FLNC: variants seen among roughly 807,000 people sequenced by gnomAD.
FLNC encodes filamin C.
A neutral mutation model predicts 254.3 loss-of-function variants in FLNC; 91 were observed. The ratio of observed to expected loss-of-function variants is 0.36; its 90% CI spans 0.30 to 0.43. The LOEUF (loss-of-function observed/expected upper bound fraction) is 0.43. Among genes scored for constraint, FLNC ranks in the 20% least tolerant of loss-of-function variants. The probability of loss-of-function intolerance (pLI) is 1.00; values close to 1 mark genes in which losing one functional copy is unlikely to be tolerated. For missense variants in FLNC, 2,853 were observed against 3,802.6 expected (o/e 0.75, Z 6.57); for synonymous variants, 1,430 against 1,577.2 (o/e 0.91, Z 2.21).
chr7:128,842,639 C>T lies in FLNC; in HGVS notation c.2330C>T (p.Thr777Ile). ...VKVYGPGVEK[T>I]GLKANEPTYF... ...GTGTACGGCCCCGGAGTGGAGAAGA[C>T]AGGCCTCAAGGCCAATGAGCCCACC... Residue 777 changes from threonine (T) to isoleucine (I), a missense_variant, in exon 15 of 48, where the codon ACA becomes ATA. This residue lies in a region of FLNC where 1,573 missense variants were observed against 1,883.5 expected (regional missense o/e 0.84). Transcript: ENST00000325888. The surrounding 1 kb of genome is among the most constrained non-coding windows in gnomAD (Gnocchi z 5.4). The T allele has an allele frequency of 6.4e-7, 1 of 1,551,574 alleles. No individual in the cohort carries two copies. Among genetic ancestry groups the T allele is most frequent in the Non-Finnish European group, 8.7e-7 (1 of 1,147,478 alleles).
intron 43 of FLNC, among the ~76,000 whole-genome samples, chr7:128,855,821 C>T (rs916907537): frequency 1.3e-5 from 2 of 152,304 alleles, no homozygotes; most frequent in South Asian, 2.1e-4. Context: ...CATTCTGTCA[C>T]AGCGGACATG....
Position 128,844,220 on chromosome 7 carries a change from G to A in FLNC, c.3146G>A (p.Gly1049Asp). 1 of 1,611,906 alleles carries A rather than the reference G, an allele frequency of 6.2e-7. No homozygotes were observed. Among genetic ancestry groups the A allele is most frequent in the Non-Finnish European group, 8.5e-7 (1 of 1,178,684 alleles). Residue 1049 changes from glycine to aspartate, a missense_variant, in exon 20 of 48, where the codon GGC becomes GAC. This residue lies in a region of FLNC where 1,573 missense variants were observed against 1,883.5 expected (regional missense o/e 0.84). Coordinates refer to ENST00000325888, the MANE Select transcript of FLNC (RefSeq NM_001458.5). ...DITYDGHPVPGSPFAVEGVLP... is the reference protein window; with the variant it reads ...DITYDGHPVPDSPFAVEGVLP... Reference sequence around the variant, plus strand: ...ACCTACGATGGTCACCCGGTGCCTGGCAGCCCGTTTGCTGTGGAGGGTGTC... The same window carrying A: ...ACCTACGATGGTCACCCGGTGCCTGACAGCCCGTTTGCTGTGGAGGGTGTC...
At chr7:128,848,744 AGGTCATGCT>A in intron 27 of FLNC, 27 bp downstream of exon 27, 1 of 1,614,018 alleles carries the variant, frequency 6.2e-7, no homozygotes, top group Non-Finnish European at 8.5e-7. Context: ...CCCACCCCGC[AGGTCATGCT>A]CCAGGCACAG....
At chr7:128,851,086 C>A in intron 33 of FLNC, 143 bp downstream of exon 33, 1 of 1,523,012 alleles carries the variant, frequency 6.6e-7, no homozygotes, top group Non-Finnish European at 9.1e-7. Context: ...GGCTTATACC[C>A]TGGTGGGAAG....
In FLNC at chr7:128,841,473, G is replaced by A; in HGVS notation, c.2027G>A (p.Gly676Asp). 6.2e-7 allele frequency: 1 copy of A among 1,614,134 alleles called. No individual in the cohort carries two copies. The highest frequency in any genetic ancestry group is 2.2e-5 in the East Asian group (1 of 44,886). Residue 676 changes from glycine (G) to aspartate (D), a missense_variant, in exon 13 of 48, where the codon GGC becomes GAC. Transcript: ENST00000325888. This position sits in a 1 kb window ranked among gnomAD's most constrained non-coding sequence, Gnocchi z 4.3. ...FPDKVKAFGP[G>D]LEPTGCIVDK... ...GCACAGGTGAAGGCCTTTGGGCCTG[G>A]CCTGGAGCCTACCGGCTGCATCGTG...
At position 128,830,787 on chromosome 7, in the gene FLNC, C is replaced by G. The variant is rs746124763; in HGVS notation, c.150C>G (p.Leu50=). Residue 50 remains leucine (L), a synonymous_variant, in exon 1 of 48, where the codon CTC becomes CTG. Coordinates refer to ENST00000325888, the MANE Select transcript of FLNC (RefSeq NM_001458.5). Reference sequence around the variant, plus strand: ...TCACGCGCTGGTGCAATGAGCACCTCAAGTGCGTGGGCAAGCGCCTGACCG... The same window carrying G: ...TCACGCGCTGGTGCAATGAGCACCTGAAGTGCGTGGGCAAGCGCCTGACCG... ...NTFTRWCNEH[L]KCVGKRLTDL... The G allele has an allele frequency of 7.4e-6, 12 of 1,613,152 alleles. No individual in the cohort carries two copies. In the South Asian group the frequency reaches 1.3e-4, roughly 18 times the overall value.
At position 128,845,217 on chromosome 7, in the gene FLNC, G is replaced by A. The variant is rs1808511337; in HGVS notation, c.3752G>A (p.Ser1251Asn). ...CATGTGCAGCCTGCGGTCGATACCA[G>A]TGGCGTCAAGGTCTCAGGGCCTGGT... The part of the protein sequence containing the change: ...RVHVQPAVDT[S>N]GVKVSGPGVE... Residue 1251 changes from serine to asparagine, a missense_variant, in exon 21 of 48, where the codon AGT becomes AAT. Ser to Asn is a conservative substitution (Grantham distance 46). Around this residue, in one of 10 missense-constraint regions of FLNC, gnomAD observed 1,573 missense variants for 1,883.5 expected, o/e 0.84. Coordinates refer to ENST00000325888, the MANE Select transcript of FLNC (RefSeq NM_001458.5). The A allele has an allele frequency of 1.9e-6, 3 of 1,613,744 alleles. No individual in the cohort carries two copies. Among genetic ancestry groups the A allele is most frequent in the Middle Eastern group, 1.6e-4 (1 of 6,084 alleles).
intron 1 of FLNC, among the ~76,000 whole-genome samples, chr7:128,832,839 G>A (rs1180437144): frequency 6.6e-6 from 1 of 152,210 alleles, no homozygotes; most frequent in Non-Finnish European, 1.5e-5. Context: ...ACCAGCTGGG[G>A]CGCCCCACCA....
chr7:128,851,852 T>C (rs1808829684), intron 35 of FLNC, among the ~76,000 whole-genome samples: 1 of 152,192 alleles, frequency 6.6e-6, no homozygotes, highest in Admixed American at 6.5e-5. Context: ...CCTCATTTAG[T>C]CTTTGAAGTC....
Position 128,856,478 on chromosome 7 carries a change from G to C in FLNC, c.7252-40G>C, listed in dbSNP as rs202028592. 1.5e-3 allele frequency: 2,443 copies of C among 1,606,636 alleles called. 4 individuals carry two copies. Among genetic ancestry groups the C allele is most frequent in the Middle Eastern group, 1.8e-3 (11 of 5,990 alleles). Reference sequence around the variant, plus strand: ...CTTCAGAGAAGACTGCTCCAGCCCCGGCCTCCCAGGAGTCTGAGCATCCTC... The same window carrying C: ...CTTCAGAGAAGACTGCTCCAGCCCCCGCCTCCCAGGAGTCTGAGCATCCTC... On this transcript the variant is annotated intron_variant, in intron 43 of 47. Transcript: ENST00000325888. This position sits in a 1 kb window ranked among gnomAD's most constrained non-coding sequence, Gnocchi z 5.9.
chr7:128,849,135 G>A lies in FLNC; in HGVS notation c.4928-46G>A, dbSNP rs1317519863. Reference sequence around the variant, plus strand: ...TCCCTCACCCCCGCCCAATGCCCCAGCCCACGTTGAGCACCGCCTGGCCTC... The same window carrying A: ...TCCCTCACCCCCGCCCAATGCCCCAACCCACGTTGAGCACCGCCTGGCCTC... On this transcript the variant is annotated intron_variant, in intron 28 of 47. Coordinates refer to ENST00000325888, the MANE Select transcript of FLNC (RefSeq NM_001458.5). 1.1e-5 allele frequency: 16 copies of A among 1,433,790 alleles called. No individual in the cohort carries two copies. The African/African-American group carries it at 2.0e-4, about 18-fold the overall frequency. The allele number at this position is 1,433,790 out of a possible 1,614,324, so 88.8% of individuals were successfully genotyped here. A position where few individuals can be genotyped will look rare whatever the true frequency, so the allele number is the denominator to read the frequency against.
intron 16 of FLNC, 53 bp downstream of exon 16, chr7:128,843,007 G>A (rs933441877): frequency 1.9e-6 from 3 of 1,598,418 alleles, no homozygotes; most frequent in Non-Finnish European, 1.7e-6. Context: ...GCTCCAGAAG[G>A]CAGCTGGAGA....
chr7:128,855,465 G>A (rs538910304), intron 43 of FLNC, 151 bp downstream of exon 43: 18 of 679,048 alleles, frequency 2.7e-5, no homozygotes, highest in Admixed American at 8.3e-5. Flanking sequence ...CAGGGCCCTT[G>A]GGGACGGTGG....
At chr7:128,849,030 A>C (rs1585164174) in intron 28 of FLNC, 48 bp downstream of exon 28, 1 of 1,601,344 alleles carries the variant, frequency 6.2e-7, no homozygotes, top group African/African-American at 1.3e-5. Context: ...CCAGCCCCTC[A>C]AAGCCCCTCC....
chr7:128,841,259 C>T lies in FLNC; in HGVS notation c.1903C>T (p.Pro635Ser), dbSNP rs1191397398. ...SCDVRYWPTE[P>S]GEYAVHVICD... ...CGATGTGCGGTACTGGCCCACGGAGCCTGGGGAGTACGCTGTGCACGTCAT... is the reference window on the plus strand; with the variant it reads ...CGATGTGCGGTACTGGCCCACGGAGTCTGGGGAGTACGCTGTGCACGTCAT... The change falls in exon 12 of 48, where the codon CCT becomes TCT. Residue 635 changes from proline (P) to serine (S), a missense_variant. Pro to Ser is a moderately conservative substitution (Grantham distance 74). Around this residue, in one of 10 missense-constraint regions of FLNC, gnomAD observed 1,573 missense variants for 1,883.5 expected, o/e 0.84. Coordinates refer to ENST00000325888, the MANE Select transcript of FLNC (RefSeq NM_001458.5). This position sits in a 1 kb window ranked among gnomAD's most constrained non-coding sequence, Gnocchi z 4.3. 2.5e-6 allele frequency: 4 copies of T among 1,613,958 alleles called. No individual in the cohort carries two copies. The highest frequency in any genetic ancestry group is 3.4e-6 in the Non-Finnish European group (4 of 1,180,000).
In FLNC at chr7:128,856,388, G is replaced by C; in HGVS notation, c.7252-130G>C. 3 of 1,228,052 alleles carry C rather than the reference G, an allele frequency of 2.4e-6. No homozygotes were observed. In the South Asian group the frequency reaches 3.8e-5, roughly 15 times the overall value. 76.1% of individuals were successfully genotyped at this position (1,228,052 alleles called of 1,614,324 possible). ...GCTCCCAGGCTGGGCTGGCAGGCAG[G>C]GGCCAGGCTGGGCATGGGGTGGCAG... On this transcript the variant is annotated intron_variant, in intron 43 of 47. Coordinates refer to ENST00000325888, the MANE Select transcript of FLNC (RefSeq NM_001458.5). This position sits in a 1 kb window ranked among gnomAD's most constrained non-coding sequence, Gnocchi z 5.9.
Position 128,851,137 on chromosome 7 carries a change from G to T in FLNC, c.5540-95G>T. The stretch of plus-strand genomic sequence containing the variant: ...TGGGTCCCTACGGCACAGACGGAGG[G>T]GGTTGGCAGGGAGGCTGCTGGAAGG... On this transcript the variant is annotated intron_variant, in intron 33 of 47. Transcript: ENST00000325888. 1.9e-6 allele frequency: 3 copies of T among 1,593,734 alleles called. No homozygotes were observed. In the Admixed American group the frequency reaches 5.0e-5, roughly 27 times the overall value.
At chr7:128,834,320 C>T (rs1024533006) in intron 1 of FLNC, among the ~76,000 whole-genome samples, 12 of 150,730 alleles carry the variant, frequency 8.0e-5, no homozygotes, top group Non-Finnish European at 7.4e-5. Flanking sequence ...CGCCCCCCCC[C>T]CCCAAATCTT....
chr7:128,846,820 G>C lies in FLNC; in HGVS notation c.4203G>C (p.Lys1401Asn), dbSNP rs2128937037. 1 of 1,614,256 alleles carries C rather than the reference G, an allele frequency of 6.2e-7. No homozygotes were observed. The change falls in exon 24 of 48, where the codon AAG (lysine) becomes AAC (asparagine). Residue 1401 changes from lysine to asparagine, a missense_variant. Transcript: ENST00000325888. ...CCAAGATGTCCTGCAAGGACAACAA[G>C]GATGGTAGCTGCACCGTGGAGTACA... Reference protein sequence around the residue: ...SEAKMSCKDNKDGSCTVEYIP... With the variant: ...SEAKMSCKDNNDGSCTVEYIP...
Sources: gnomAD v4.1 joint callset for allele counts (sites outside exome capture counted in the v4.1 genomes callset) on GRCh38, gnomAD v4.1.1 for gene constraint, gnomAD v4.1.1 regional missense constraint, Gnocchi (gnomAD v3.1) non-coding constraint, MANE v1.5 for transcripts, NCBI Gene and HGNC (gene_info 2026-07-23, HGNC 2026-07-21) for gene names.